The following PRRC2B variants were observed in gnomAD, a reference collection of about 807,000 sequenced individuals.
PRRC2B encodes the protein proline rich coiled-coil 2B.
Under a neutral mutation model 242.3 loss-of-function variants are expected in PRRC2B, and 68 were observed. That is an observed-to-expected ratio of 0.28 (90% CI 0.23 to 0.34). The LOEUF (loss-of-function observed/expected upper bound fraction) is 0.34. Among genes scored for constraint, PRRC2B ranks in the 10% least tolerant of loss-of-function variants. The probability of loss-of-function intolerance (pLI) is 1.00; values close to 1 mark genes in which losing one functional copy is unlikely to be tolerated. For missense variants in PRRC2B, 2,835 were observed against 2,954.8 expected (o/e 0.96, Z 0.94); for synonymous variants, 1,228 against 1,173.6 (o/e 1.05, Z -0.95).
At chr9:131,437,551 T>C (rs1467162412) in intron 4 of PRRC2B, among the ~76,000 whole-genome samples, 1 of 152,194 alleles carries the variant, frequency 6.6e-6, no homozygotes, top group East Asian at 1.9e-4. Flanking sequence ...ATTCACCAGC[T>C]CTCTTGACAG....
chr9:131,382,265 C>T (rs1408692723), intron 1 of PRRC2B, among the ~76,000 whole-genome samples: 1 of 152,152 alleles, frequency 6.6e-6, no homozygotes, highest in Non-Finnish European at 1.5e-5. Flanking sequence ...GATCCACCCT[C>T]CTCGGCTTCT....
At chr9:131,425,777 C>T (rs928563952) in intron 1 of PRRC2B, among the ~76,000 whole-genome samples, 1 of 151,870 alleles carries the variant, frequency 6.6e-6, no homozygotes, top group Admixed American at 6.6e-5. Flanking sequence ...CGTGAGCCAC[C>T]ATGCCTGGCC....
At position 131,380,886 on chromosome 9, in the gene PRRC2B, C is replaced by A. The variant is rs868103187; in HGVS notation, c.-56+7155C>A. 9.0e-4 allele frequency among the ~76,000 whole-genome samples: 98 copies of A among 108,308 alleles called. 1 individual carries two copies. The highest frequency in any genetic ancestry group is 9.3e-4 in the African/African-American group (27 of 29,134). 71.1% of individuals were successfully genotyped at this position (108,308 alleles called of 152,430 possible). A position where few individuals can be genotyped will look rare whatever the true frequency, so the allele number is the denominator to read the frequency against. On this transcript the variant is annotated intron_variant, in intron 1 of 1. Transcript: ENST00000682525. The stretch of plus-strand genomic sequence containing the variant: ...GTGTGACAGTGTGAGATTCTGTCTC[C>A]AAAAAAAAAAAAAGAGTGATTTGTA...
upstream of PRRC2B, among the ~76,000 whole-genome samples, chr9:131,393,493 C>A (rs1836940854): frequency 6.6e-6 from 1 of 152,228 alleles, no homozygotes; most frequent in Non-Finnish European, 1.5e-5. Context: ...TATTAGTTTT[C>A]ATTTTGTAAA....
At chr9:131,486,397 C>A in intron 26 of PRRC2B, 1 of 734,632 alleles carries the variant, frequency 1.4e-6, no homozygotes, top group Non-Finnish European at 1.7e-6. Context: ...GCTCCAGACT[C>A]TGCTTAGTTT....
intron 24 of PRRC2B, 43 bp from the exon 25 acceptor site, chr9:131,484,905 G>A (rs761638054): frequency 3.8e-5 from 61 of 1,587,788 alleles, no homozygotes; most frequent in East Asian, 1.8e-4. Context: ...CACTGCCAGC[G>A]TGATAGTAAT....
At chr9:131,486,564 G>A (rs761589140) in intron 26 of PRRC2B, 54 of 981,512 alleles carry the variant, frequency 5.5e-5, no homozygotes, top group East Asian at 1.2e-4. Context: ...ATGAGCAGGC[G>A]TTGGTTATTT....
intron 1 of PRRC2B, among the ~76,000 whole-genome samples, chr9:131,399,057 C>T (rs1028075696): frequency 8.0e-5 from 12 of 150,258 alleles, no homozygotes; most frequent in African/African-American, 2.5e-4. Flanking sequence ...GGGCGGATCA[C>T]CTGAGGTCAG....
At chr9:131,470,728 G>C in intron 13 of PRRC2B, 60 bp from the exon 14 acceptor site, 1 of 1,409,352 alleles carries the variant, frequency 7.1e-7, no homozygotes, top group Non-Finnish European at 9.9e-7. Flanking sequence ...GCGTGTGTTG[G>C]GTGGCATCTC....
At chr9:131,459,970 CAAAAAAAAAAA>C (rs34696844) in intron 11 of PRRC2B, among the ~76,000 whole-genome samples, 11 of 87,080 alleles carry the variant, frequency 1.3e-4, no homozygotes, top group Admixed American at 3.9e-4. Context: ...ACCCTATCTC[CAAAAAAAAAAA>C]AAAAAAAAAA....
chr9:131,426,337 C>CAAAAAAAA, intron 1 of PRRC2B, among the ~76,000 whole-genome samples: 1 of 84,462 alleles, frequency 1.2e-5, no homozygotes, highest in East Asian at 3.2e-4. Flanking sequence ...AACTCTGTCT[C>CAAAAAAAA]AAAAAAAAAA....
chr9:131,483,065 A>G (rs530151936), intron 22 of PRRC2B, among the ~76,000 whole-genome samples, 158 bp downstream of exon 22: 46 of 152,300 alleles, frequency 3.0e-4, no homozygotes, highest in Non-Finnish European at 4.9e-4. Context: ...AGTCCTGCAC[A>G]TGGCCAGTGC....
chr9:131,486,109 T>C lies in PRRC2B; in HGVS notation c.5783T>C (p.Leu1928Pro). ...GGCAGCCACCTCCCGCCCCTGTACC[T>C]GGATGGCCATGTGTTTGCAAGTCAG... is the stretch of plus-strand genomic sequence containing the variant. ...MPGSHLPPLY[L>P]DGHVFASQPR... Residue 1928 changes from leucine to proline, a missense_variant, in exon 26 of 32, where the codon CTG (leucine) becomes CCG (proline). By Grantham distance (98) the Leu-to-Pro change is moderately conservative (BLOSUM62 -3). Around this residue, in one of 7 missense-constraint regions of PRRC2B, gnomAD observed 574 missense variants for 626.0 expected, o/e 0.92. Transcript: ENST00000683519. The C allele has an allele frequency of 6.2e-7, 1 of 1,613,012 alleles. No individual in the cohort carries two copies. Among genetic ancestry groups the C allele is most frequent in the Non-Finnish European group, 8.5e-7 (1 of 1,179,448 alleles).
At chr9:131,426,703 G>T (rs1837985428) in intron 1 of PRRC2B, among the ~76,000 whole-genome samples, 1 of 152,152 alleles carries the variant, frequency 6.6e-6, no homozygotes, top group Non-Finnish European at 1.5e-5. Flanking sequence ...GGGCTGCTGG[G>T]GTCAAGCAGC....
rs980320002 is a variant in PRRC2B, at chr9:131,498,971, GTTTT to G, written c.*3100_*3103del. ...TTAACTGTTGGCTTCTCCCCACAGC[GTTTT>G]TTGTTTTTTTTTAAACATTCATATT... is the stretch of plus-strand genomic sequence containing the variant. On this transcript the variant is annotated 3_prime_UTR_variant, in exon 32 of 32. Coordinates refer to ENST00000683519, the MANE Select transcript of PRRC2B (RefSeq NM_013318.4). 2 of 152,144 alleles carry G rather than the reference GTTTT, an allele frequency of 1.3e-5. No homozygotes were observed. Among genetic ancestry groups the G allele is most frequent in the African/African-American group, 2.4e-5 (1 of 41,506 alleles). 9.4% of individuals were successfully genotyped at this position (152,144 alleles called of 1,614,324 possible). A position where few individuals can be genotyped will look rare whatever the true frequency, so the allele number is the denominator to read the frequency against.
At position 131,476,492 on chromosome 9, in the gene PRRC2B, C is replaced by T. The variant is rs368230739; in HGVS notation, c.4363C>T (p.Arg1455Cys). The T allele has an allele frequency of 2.2e-5, 35 of 1,610,300 alleles. No individual in the cohort carries two copies. The highest frequency in any genetic ancestry group is 9.4e-5 in the African/African-American group (7 of 74,748). ...VRPGGGDTSP[R>C]YESQQNGTPL... is the part of the protein sequence containing the mutation. ...GCCAGGTGGTGGTGACACCTCCCCT[C>T]GCTATGAGAGCCAACAGAATGGGAC... The change falls in exon 16 of 32, where the codon CGC becomes TGC. Residue 1455 changes from arginine (R) to cysteine (C), a missense_variant. Coordinates refer to ENST00000683519, the MANE Select transcript of PRRC2B (RefSeq NM_013318.4).
intron 9 of PRRC2B, 111 bp from the exon 10 acceptor site, chr9:131,454,965 G>A (rs1358206496): frequency 2.2e-5 from 17 of 759,216 alleles, no homozygotes; most frequent in South Asian, 1.5e-4. Context: ...CTCATGATCC[G>A]CCCACCTCAG....
chr9:131,386,092 G>A (rs1404638708), intron 1 of PRRC2B, among the ~76,000 whole-genome samples: 1 of 148,988 alleles, frequency 6.7e-6, no homozygotes, highest in Admixed American at 7.0e-5. Context: ...TGAGTTTTAC[G>A]GGGCAAGTGA....
chr9:131,405,283 C>T (rs1459986416), intron 1 of PRRC2B, among the ~76,000 whole-genome samples: 1 of 152,136 alleles, frequency 6.6e-6, no homozygotes, highest in Non-Finnish European at 1.5e-5. Context: ...ATAGACACAG[C>T]CAGGTCTAAG....
Sources: gnomAD v4.1 joint callset for allele counts (sites outside exome capture counted in the v4.1 genomes callset) on GRCh38, gnomAD v4.1.1 for gene constraint, gnomAD v4.1.1 regional missense constraint, MANE v1.5 for transcripts, NCBI Gene and HGNC (gene_info 2026-07-23, HGNC 2026-07-21) for gene names.